Variants in ARHGEF3 observed in about 807,000 individuals in gnomAD.
ARHGEF3 encodes Rho guanine nucleotide exchange factor 3.
In ARHGEF3, 28 loss-of-function variants were observed where a neutral mutation model predicts 63.2. The ratio of observed to expected loss-of-function variants is 0.44; its 90% CI spans 0.33 to 0.61. The LOEUF (loss-of-function observed/expected upper bound fraction) is 0.61. Among genes scored for constraint, ARHGEF3 ranks in the 20% least tolerant of loss-of-function variants. The pLI is 0.03. For synonymous variants in ARHGEF3, 266 were observed against 254.2 expected, an observed-to-expected ratio of 1.05 and a Z score of -0.44; for missense variants, 533 against 659.3, an observed-to-expected ratio of 0.81 and a Z score of 2.10.
chr3:56,755,413 C>G (rs2035012046), intron 2 of ARHGEF3, among the ~76,000 whole-genome samples: 2 of 152,200 alleles, frequency 1.3e-5, no homozygotes. Flanking sequence ...AAGCACATAT[C>G]AGGCCAAACT....
chr3:56,940,689 C>T (rs1015525261), intron 3 of ARHGEF3: 6 of 149,338 alleles, frequency 4.0e-5, no homozygotes, highest in African/African-American at 1.5e-4. Context: ...GAGGGGGCAG[C>T]TCACATTTAA....
chr3:56,774,889 A>C (rs2036204776), intron 1 of ARHGEF3: 1 of 1,022,850 alleles, frequency 9.8e-7, no homozygotes, highest in Non-Finnish European at 1.3e-6. Context: ...CTCTGTGTCA[A>C]AAAAACAAAA....
At chr3:57,011,911 G>A (rs1702717841) in intron 2 of ARHGEF3, among the ~76,000 whole-genome samples, 1 of 152,166 alleles carries the variant, frequency 6.6e-6, no homozygotes, top group South Asian at 2.1e-4. Context: ...AGGTGGTGGT[G>A]AGGAGAAGCG....
chr3:56,880,930 C>G (rs966806245), intron 4 of ARHGEF3, among the ~76,000 whole-genome samples: 1 of 152,172 alleles, frequency 6.6e-6, no homozygotes, highest in Admixed American at 6.5e-5. Context: ...CAAACAAACA[C>G]CACATGGTAA....
intron 8 of ARHGEF3, among the ~76,000 whole-genome samples, chr3:56,735,538 T>G (rs755816443): frequency 6.6e-6 from 1 of 152,158 alleles, no homozygotes; most frequent in African/African-American, 2.4e-5. Context: ...CTTAGGCACA[T>G]CTAACCAAAA....
At chr3:56,979,448 C>G (rs1701243998) in intron 2 of ARHGEF3, among the ~76,000 whole-genome samples, 1 of 152,228 alleles carries the variant, frequency 6.6e-6, no homozygotes, top group African/African-American at 2.4e-5. Flanking sequence ...GCAGAGGCAT[C>G]TCTTCAAAAT....
At chr3:56,936,627 A>T (rs1358460204) in intron 3 of ARHGEF3, among the ~76,000 whole-genome samples, 1 of 152,244 alleles carries the variant, frequency 6.6e-6, no homozygotes, top group East Asian at 1.9e-4. Context: ...GATCCAAATT[A>T]CCAGATTACA....
At chr3:56,895,624 G>A (rs535914098) in intron 3 of ARHGEF3, among the ~76,000 whole-genome samples, 12 of 151,924 alleles carry the variant, frequency 7.9e-5, no homozygotes, top group African/African-American at 2.9e-4. Flanking sequence ...CCATCACACC[G>A]GGCTAATTTT....
chr3:56,912,255 G>A (rs1166532325), intron 3 of ARHGEF3, among the ~76,000 whole-genome samples: 1 of 152,136 alleles, frequency 6.6e-6, no homozygotes, highest in Non-Finnish European at 1.5e-5. Flanking sequence ...TGGGGAAACT[G>A]AGTCCAGAGA....
intron 2 of ARHGEF3, among the ~76,000 whole-genome samples, chr3:56,964,485 A>C (rs1700408930): frequency 6.6e-6 from 1 of 152,022 alleles, no homozygotes; most frequent in Non-Finnish European, 1.5e-5. Flanking sequence ...ACCTTTGGAG[A>C]ATGGGTCTGT....
At chr3:56,785,840 G>C (rs1321129317) in intron 1 of ARHGEF3, among the ~76,000 whole-genome samples, 1 of 152,154 alleles carries the variant, frequency 6.6e-6, no homozygotes, top group Admixed American at 6.5e-5. Context: ...CTGGTTGCTG[G>C]GTAAAAACTA....
chr3:57,013,030 C>T (rs1033394465), intron 2 of ARHGEF3, among the ~76,000 whole-genome samples: 4 of 152,194 alleles, frequency 2.6e-5, no homozygotes, highest in South Asian at 2.1e-4. Context: ...GAGGGTGCAC[C>T]GGATCCCCCA....
chr3:56,944,679 CA>C (rs1699385693), intron 3 of ARHGEF3, among the ~76,000 whole-genome samples: 2 of 143,360 alleles, frequency 1.4e-5, no homozygotes, highest in Non-Finnish European at 3.0e-5. Flanking sequence ...CGGGTACAAG[CA>C]ATTCTCCTGC....
intron 3 of ARHGEF3, among the ~76,000 whole-genome samples, chr3:56,924,277 A>T (rs982862844): frequency 1.3e-5 from 2 of 152,292 alleles, no homozygotes; most frequent in South Asian, 2.1e-4. Context: ...CACTCTTTTT[A>T]AAAAAATCAT....
At chr3:56,792,123 G>T (rs373638277) in intron 1 of ARHGEF3, among the ~76,000 whole-genome samples, 1 of 123,214 alleles carries the variant, frequency 8.1e-6, no homozygotes, top group African/African-American at 3.4e-5. Context: ...AAAAAGAAAA[G>T]AAAAGAAAAG....
chr3:56,965,273 T>C (rs1219790002), intron 2 of ARHGEF3, among the ~76,000 whole-genome samples: 3 of 152,044 alleles, frequency 2.0e-5, no homozygotes, highest in Non-Finnish European at 4.4e-5. Flanking sequence ...AAATAACGAC[T>C]ACAATAAGAA....
chr3:56,984,719 T>C (rs1701467163), intron 2 of ARHGEF3, among the ~76,000 whole-genome samples: 1 of 152,176 alleles, frequency 6.6e-6, no homozygotes, highest in Non-Finnish European at 1.5e-5. Flanking sequence ...AAGTGAACAT[T>C]ACTCCCTAGA....
chr3:57,029,015 A>ACACACACC (rs1333391405), intron 2 of ARHGEF3, among the ~76,000 whole-genome samples: 3 of 149,594 alleles, frequency 2.0e-5, no homozygotes, highest in African/African-American at 7.4e-5. Context: ...ACACACACAC[A>ACACACACC]CCTCCCAAAA....
chr3:56,779,607 C>A (rs1042310790), intron 1 of ARHGEF3, among the ~76,000 whole-genome samples: 1 of 152,036 alleles, frequency 6.6e-6, no homozygotes, highest in African/African-American at 2.4e-5. Flanking sequence ...ATGGACAATT[C>A]TTTAATTCCT....
Sources: gnomAD v4.1 joint callset for allele counts (sites outside exome capture counted in the v4.1 genomes callset) on GRCh38, gnomAD v4.1.1 for gene constraint, MANE v1.5 for transcripts, NCBI Gene and HGNC (gene_info 2026-07-23, HGNC 2026-07-21) for gene names.